The following SLIT3 variants were observed in gnomAD, a reference collection of about 807,000 sequenced individuals.
SLIT3 encodes slit guidance ligand 3, also known as slit homolog 3 protein.
SLIT3 carries 68 observed loss-of-function variants against 184.0 expected under a neutral mutation model. That is an observed-to-expected ratio of 0.37 (90% CI 0.30 to 0.45). SLIT3 has a LOEUF of 0.45. SLIT3 is among the 20% of genes least tolerant of loss of function. The probability of loss-of-function intolerance (pLI) is 1.00; values close to 1 mark genes in which losing one functional copy is unlikely to be tolerated. For missense variants in SLIT3, 1,707 were observed against 2,026.0 expected, an observed-to-expected ratio of 0.84 and a Z score of 3.02; for synonymous variants, 831 against 828.6, an observed-to-expected ratio of 1.00 and a Z score of -0.05.
rs558603132 is a variant in SLIT3 at position 169,201,084 on chromosome 5, A to G, written c.342-7534T>C. On this transcript the variant is annotated intron_variant, in intron 3 of 35. Coordinates refer to ENST00000519560, the MANE Select transcript of SLIT3 (RefSeq NM_003062.4). ...TATAGTAAGTGTGGACCAACCCACA[A>G]TTTATTTTGATGGCTTAGCTGCAAG... is the stretch of plus-strand genomic sequence containing the variant. 5.3e-5 allele frequency among the ~76,000 whole-genome samples: 8 copies of G among 152,312 alleles called. 1 individual carries two copies. The South Asian group carries it at 1.7e-3, about 32-fold the overall frequency.
chr5:168,673,408 G>C (rs533647412), intron 32 of SLIT3, 77 bp from the exon 33 acceptor site: 3 of 1,278,834 alleles, frequency 2.3e-6, no homozygotes, highest in Non-Finnish European at 3.3e-6. Flanking sequence ...CTGTGGACTT[G>C]ACCTGCATTG....
chr5:169,299,560 T>A (rs909536494), intron 1 of SLIT3, among the ~76,000 whole-genome samples: 4 of 151,926 alleles, frequency 2.6e-5, no homozygotes, highest in African/African-American at 9.7e-5. Context: ...TCCCACCCAC[T>A]CCAGCGTTTC....
chr5:168,920,260 T>A (rs1388730347), intron 4 of SLIT3, among the ~76,000 whole-genome samples: 2 of 152,184 alleles, frequency 1.3e-5, no homozygotes, highest in East Asian at 3.8e-4. Context: ...CTGATTCACC[T>A]GGTTTTTATT....
chr5:168,886,232 A>G (rs760795085), intron 4 of SLIT3, among the ~76,000 whole-genome samples: 1 of 152,204 alleles, frequency 6.6e-6, no homozygotes, highest in Admixed American at 6.5e-5. Context: ...GCAGGACTGT[A>G]TATTGATTTC....
intron 4 of SLIT3, among the ~76,000 whole-genome samples, chr5:169,052,870 C>A (rs1757863772): frequency 6.6e-6 from 1 of 152,148 alleles, no homozygotes; most frequent in African/African-American, 2.4e-5. Context: ...GGGGAGCACC[C>A]ACCCTCCCTC....
intron 19 of SLIT3, among the ~76,000 whole-genome samples, chr5:168,748,796 C>T (rs1233347009): frequency 5.3e-5 from 8 of 152,200 alleles, no homozygotes; most frequent in African/African-American, 1.7e-4. Flanking sequence ...CACAACTACA[C>T]AGTCCCTCCG....
intron 3 of SLIT3, among the ~76,000 whole-genome samples, chr5:169,220,813 C>T (rs1361697018): frequency 3.9e-5 from 6 of 152,172 alleles, no homozygotes; most frequent in Admixed American, 2.0e-4. Flanking sequence ...ATCAAACCAA[C>T]CCTACTCCCA....
At chr5:168,826,357 A>G (rs776414307) in intron 6 of SLIT3, among the ~76,000 whole-genome samples, 1 of 152,226 alleles carries the variant, frequency 6.6e-6, no homozygotes, top group Admixed American at 6.5e-5. Context: ...CGACAGCTAC[A>G]GTTTTCGTTT....
At chr5:169,169,946 C>T (rs1762764340) in intron 4 of SLIT3, among the ~76,000 whole-genome samples, 1 of 152,192 alleles carries the variant, frequency 6.6e-6, no homozygotes. Context: ...CCAGCCCTCC[C>T]CTGGGGTGGA....
At chr5:168,802,514 G>T (rs1312475636) in intron 9 of SLIT3, among the ~76,000 whole-genome samples, 2 of 152,174 alleles carry the variant, frequency 1.3e-5, no homozygotes, top group African/African-American at 4.8e-5. Context: ...GGTAGACCGT[G>T]GGTGCCCAAT....
chr5:169,112,862 T>G (rs1396186021), intron 4 of SLIT3, among the ~76,000 whole-genome samples: 1 of 152,086 alleles, frequency 6.6e-6, no homozygotes, highest in East Asian at 1.9e-4. Context: ...TGGGCGGCCC[T>G]TCTCCCATGG....
At chr5:168,781,480 CCT>C (rs1372285804) in intron 12 of SLIT3, among the ~76,000 whole-genome samples, 7 of 152,110 alleles carry the variant, frequency 4.6e-5, no homozygotes, top group Admixed American at 4.6e-4. Flanking sequence ...AGGGAAGAAC[CCT>C]TCCCTCAAGA....
chr5:169,154,825 G>C (rs907430), intron 4 of SLIT3, among the ~76,000 whole-genome samples: 29,561 of 151,844 alleles, frequency 0.19, 3,206 homozygotes, highest in South Asian at 0.32. Context: ...AGCAAACTGA[G>C]AACAAGGATC....
chr5:168,756,015 A>C (rs1754937316), intron 16 of SLIT3, among the ~76,000 whole-genome samples: 1 of 152,228 alleles, frequency 6.6e-6, no homozygotes, highest in East Asian at 1.9e-4. Flanking sequence ...CAGCCTCCCA[A>C]GCAGACAGCC....
At chr5:169,122,306 T>C (rs924854658) in intron 4 of SLIT3, among the ~76,000 whole-genome samples, 3 of 152,182 alleles carry the variant, frequency 2.0e-5, no homozygotes, top group Admixed American at 6.5e-5. Context: ...TGGTTGCTCA[T>C]AAAATGGTCA....
chr5:169,176,567 A>G (rs1205511599), intron 4 of SLIT3, among the ~76,000 whole-genome samples: 1 of 152,166 alleles, frequency 6.6e-6, no homozygotes, highest in Non-Finnish European at 1.5e-5. Context: ...AGTGACCTAA[A>G]TTAATCCCTC....
chr5:168,913,830 C>A (rs190096911), intron 4 of SLIT3, among the ~76,000 whole-genome samples: 2 of 151,992 alleles, frequency 1.3e-5, no homozygotes, highest in Non-Finnish European at 2.9e-5. Flanking sequence ...CCCACTCTGA[C>A]CTCTGGTCTC....
intron 18 of SLIT3, among the ~76,000 whole-genome samples, chr5:168,751,324 G>T (rs981569289): frequency 6.6e-6 from 1 of 152,186 alleles, no homozygotes; most frequent in Non-Finnish European, 1.5e-5. Context: ...GGGAAGGTTA[G>T]AGACGGGACA....
intron 4 of SLIT3, among the ~76,000 whole-genome samples, chr5:169,119,148 C>T (rs1760793224): frequency 6.6e-6 from 1 of 152,208 alleles, no homozygotes; most frequent in Non-Finnish European, 1.5e-5. Context: ...AAAGCTGATA[C>T]ATATGGAAGT....
Sources: allele counts gnomAD v4.1 joint callset (sites outside exome capture counted in the v4.1 genomes callset), GRCh38; gene constraint gnomAD v4.1.1; transcripts MANE v1.5; gene names NCBI Gene and HGNC (gene_info 2026-07-23, HGNC 2026-07-21).